PRKD1: variants seen among roughly 807,000 people sequenced by gnomAD.
PRKD1 encodes the protein protein kinase D1, also known as serine/threonine-protein kinase D1.
PRKD1 carries 63 observed loss-of-function variants against 95.9 expected under a neutral mutation model. The ratio of observed to expected loss-of-function variants is 0.66; its 90% confidence interval spans 0.54 to 0.81. The LOEUF (loss-of-function observed/expected upper bound fraction) is 0.81, where lower values mean the gene tolerates loss of function less well. PRKD1 is among the 30% of genes least tolerant of loss of function. The pLI, the probability that PRKD1 is intolerant of heterozygous loss-of-function variation, is 0.00. For synonymous variants in PRKD1, 425 were observed against 423.1 expected (o/e 1.00, Z -0.05); for missense variants, 1,048 against 1,165.3 (o/e 0.90, Z 1.47).
In PRKD1 at chr14:29,636,277, G is replaced by A; in HGVS notation, c.1190+13C>T. 1 of 1,614,198 alleles carries A rather than the reference G, an allele frequency of 6.2e-7. No individual in the cohort carries two copies. Among genetic ancestry groups the A allele is most frequent in the Non-Finnish European group, 8.5e-7 (1 of 1,180,006 alleles). On this transcript the variant is annotated intron_variant, in intron 7 of 17. Coordinates refer to ENST00000331968, the MANE Select transcript of PRKD1 (RefSeq NM_002742.3). ...GTTCCCCTGTTGGCTGAGGCTGGGA[G>A]TGCTGCTCTCACCTGATGGTTCTGT...
rs1305142113 is a variant in PRKD1 at position 29,638,881 on chromosome 14, A to G, written c.720T>C (p.Phe240=). The change falls in exon 5 of 18, where the codon TTT becomes TTC. Residue 240 remains phenylalanine (F), a synonymous_variant. Coordinates refer to ENST00000331968, the MANE Select transcript of PRKD1 (RefSeq NM_002742.3). ...AATTTGACCTCTTCTCTCGACCAATAAACGACTCTGATGGTGATTTTTGCT... is the reference window on the plus strand; with the variant it reads ...AATTTGACCTCTTCTCTCGACCAATGAACGACTCTGATGGTGATTTTTGCT... ...PLLQKSPSES[F]IGREKRSNSQ... 1.5e-5 allele frequency: 24 copies of G among 1,612,824 alleles called. No homozygotes were observed. In the Admixed American group the frequency reaches 4.0e-4, roughly 27 times the overall value.
intron 7 of PRKD1, 121 bp from the exon 8 acceptor site, chr14:29,634,662 T>C: frequency 1.5e-6 from 2 of 1,303,264 alleles, no homozygotes; most frequent in Non-Finnish European, 1.1e-6. Flanking sequence ...ATCTCATGTT[T>C]AGTAAAACGT....
intron 13 of PRKD1, among the ~76,000 whole-genome samples, chr14:29,617,615 C>T (rs1037316134): frequency 6.6e-6 from 1 of 151,986 alleles, no homozygotes; most frequent in Non-Finnish European, 1.5e-5. Flanking sequence ...TTAGTGAATC[C>T]ATTAGAATTA....
chr14:29,802,426 G>T (rs1174440915), intron 1 of PRKD1, among the ~76,000 whole-genome samples: 1 of 152,202 alleles, frequency 6.6e-6, no homozygotes, highest in Non-Finnish European at 1.5e-5. Flanking sequence ...TGATGTATGA[G>T]AACAGCCATC....
chr14:29,717,723 A>G (rs1000774487), intron 2 of PRKD1, among the ~76,000 whole-genome samples: 1 of 152,172 alleles, frequency 6.6e-6, no homozygotes, highest in Non-Finnish European at 1.5e-5. Flanking sequence ...TATTTATTTA[A>G]AAGTATACAG....
At chr14:29,874,183 G>T (rs1041106008) in intron 1 of PRKD1, among the ~76,000 whole-genome samples, 1 of 152,080 alleles carries the variant, frequency 6.6e-6, no homozygotes, top group Non-Finnish European at 1.5e-5. Context: ...AAAAATAACA[G>T]TCTTTGCCAG....
chr14:29,884,860 C>T (rs1382582998), intron 1 of PRKD1, among the ~76,000 whole-genome samples: 4 of 152,188 alleles, frequency 2.6e-5, no homozygotes, highest in South Asian at 4.1e-4. Flanking sequence ...CAGTGGCTCA[C>T]GCCTGTAATC....
At chr14:29,671,543 T>C (rs1882842387) in intron 2 of PRKD1, among the ~76,000 whole-genome samples, 1 of 152,122 alleles carries the variant, frequency 6.6e-6, no homozygotes, top group African/African-American at 2.4e-5. Context: ...TAGAAAAAGC[T>C]ATTCAATTAT....
chr14:29,582,842 GA>G (rs748132811), intron 16 of PRKD1, among the ~76,000 whole-genome samples: 4 of 152,288 alleles, frequency 2.6e-5, no homozygotes, highest in Admixed American at 1.3e-4. Context: ...CATGCCTTTG[GA>G]ACTGCAGGAG....
rs148663837 is a variant in PRKD1, at chr14:29,744,305, A to G, written c.265-18631T>C. ...CTGCCATCCAGTTGTTCAGTTAGAA[A>G]CCCTGGATTTATCTTTGAATTTTCT... On this transcript the variant is annotated intron_variant, in intron 1 of 17. Coordinates refer to ENST00000331968, the MANE Select transcript of PRKD1 (RefSeq NM_002742.3). Among the ~76,000 whole-genome samples, 418 of 152,292 alleles carry G rather than the reference A, an allele frequency of 2.7e-3. 5 individuals are homozygous for G. The highest frequency in any genetic ancestry group is 9.3e-3 in the African/African-American group (388 of 41,568).
chr14:29,597,434 T>A, intron 16 of PRKD1, 57 bp downstream of exon 16: 2 of 1,420,726 alleles, frequency 1.4e-6, no homozygotes, highest in East Asian at 2.4e-5. Context: ...TAATTTAAAT[T>A]AATAACATAA....
intron 1 of PRKD1, among the ~76,000 whole-genome samples, chr14:29,871,115 ACT>A (rs1893090501): frequency 1.3e-5 from 2 of 152,194 alleles, no homozygotes; most frequent in African/African-American, 4.8e-5. Context: ...ACAAAACTTT[ACT>A]GAGGACTGTC....
chr14:29,849,333 T>C (rs1892208236), intron 1 of PRKD1, among the ~76,000 whole-genome samples: 1 of 152,236 alleles, frequency 6.6e-6, no homozygotes, highest in African/African-American at 2.4e-5. Flanking sequence ...ATGTTCCCTG[T>C]ACAGCCTGTG....
At chr14:29,673,951 T>G (rs1213674855) in intron 2 of PRKD1, among the ~76,000 whole-genome samples, 1 of 152,118 alleles carries the variant, frequency 6.6e-6, no homozygotes, top group African/African-American at 2.4e-5. Context: ...TTACTTCACC[T>G]CTCTGAACCT....
chr14:29,796,972 T>G (rs189393603), intron 1 of PRKD1, among the ~76,000 whole-genome samples: 8 of 152,330 alleles, frequency 5.3e-5, no homozygotes, highest in African/African-American at 1.4e-4. Flanking sequence ...TAACAATTAA[T>G]TCTTTATAAA....
chr14:29,665,012 TA>T (rs1257549987), intron 3 of PRKD1, among the ~76,000 whole-genome samples: 1 of 152,160 alleles, frequency 6.6e-6, no homozygotes, highest in Non-Finnish European at 1.5e-5. Flanking sequence ...GAGCACCATA[TA>T]GGGGTGAAAC....
chr14:29,829,847 T>G (rs1891335184), intron 1 of PRKD1, among the ~76,000 whole-genome samples: 3 of 152,178 alleles, frequency 2.0e-5, no homozygotes, highest in Admixed American at 1.3e-4. Flanking sequence ...CATTTGCATA[T>G]CAGGGAAAAT....
intron 6 of PRKD1, 114 bp downstream of exon 6, chr14:29,638,375 A>T: frequency 9.6e-7 from 1 of 1,040,210 alleles, no homozygotes; most frequent in Non-Finnish European, 1.4e-6. Context: ...TTTACTTTAG[A>T]CTGTGTCTGA....
chr14:29,629,542 T>A (rs1179359611), intron 10 of PRKD1, among the ~76,000 whole-genome samples: 1 of 152,180 alleles, frequency 6.6e-6, no homozygotes, highest in Non-Finnish European at 1.5e-5. Context: ...TGTATTTTCG[T>A]TGTAGAGATA....
Sources: allele counts gnomAD v4.1 joint callset (sites outside exome capture counted in the v4.1 genomes callset), GRCh38; gene constraint gnomAD v4.1.1; transcripts MANE v1.5; gene names NCBI Gene and HGNC (gene_info 2026-07-23, HGNC 2026-07-21).